C19orf44: variants seen among roughly 807,000 people sequenced by gnomAD.
C19orf44 encodes the protein uncharacterized protein C19orf44.
In C19orf44, 43 loss-of-function variants were observed where a neutral mutation model predicts 50.7. The observed-to-expected ratio is 0.85, with a 90% CI of 0.66 to 1.09. The LOEUF is 1.09. C19orf44 is among the 50% of genes least tolerant of loss of function. The probability of loss-of-function intolerance (pLI) is 0.00; values close to 1 mark genes in which losing one functional copy is unlikely to be tolerated. For synonymous variants in C19orf44, 298 were observed against 334.7 expected (o/e 0.89, Z 1.20); for missense variants, 722 against 836.2 (o/e 0.86, Z 1.68).
chr19:16,509,531 C>A lies in C19orf44; in HGVS notation c.1182C>A (p.Gly394=). The change falls in exon 5 of 9, where the codon GGC becomes GGA. Residue 394 remains glycine (G), a synonymous_variant. Transcript: ENST00000221671. The part of the protein sequence containing the change: ...EESAQRQKTA[G]KIFRAEASTG... ...GTGCTCAGAGACAAAAAACAGCTGG[C>A]AAAATCTTCAGAGCCGAGGCGTCCA... 1 of 1,550,432 alleles carries A rather than the reference C, an allele frequency of 6.4e-7. No individual in the cohort carries two copies. The highest frequency in any genetic ancestry group is 8.7e-7 in the Non-Finnish European group (1 of 1,152,378).
At chr19:16,502,838 A>C (rs2093429557) in intron 2 of C19orf44, among the ~76,000 whole-genome samples, 1 of 151,766 alleles carries the variant, frequency 6.6e-6, no homozygotes, top group African/African-American at 2.4e-5. Context: ...AAAAAAAAAA[A>C]AATTAGCCAG....
chr19:16,517,755 GA>G, intron 8 of C19orf44: 1 of 189,114 alleles, frequency 5.3e-6, no homozygotes, highest in East Asian at 1.6e-4. Context: ...AAGGACATGG[GA>G]CCAGGTCAGC....
intron 1 of C19orf44, among the ~76,000 whole-genome samples, chr19:16,498,581 T>C (rs543320343): frequency 6.6e-6 from 1 of 151,006 alleles, no homozygotes; most frequent in Admixed American, 6.6e-5. Flanking sequence ...ACTGTGGGCT[T>C]CAATCTGTTC....
rs1052834764 is a variant in C19orf44 at position 16,516,404 on chromosome 19, ACTCTGT to A, written c.1903-822_1903-817del. ...AGGCTGTAGTGAGGGAGAAAGCGGG[ACTCTGT>A]CTCAAACAAACAACCATAATGCAAT... On this transcript the variant is annotated intron_variant, in intron 7 of 8. Transcript: ENST00000221671. 4.8e-3 allele frequency among the ~76,000 whole-genome samples: 728 copies of A among 152,194 alleles called. 3 individuals are homozygous for A. Among genetic ancestry groups the A allele is most frequent in the African/African-American group, 0.016 (677 of 41,534 alleles).
chr19:16,517,175 T>C (rs1599741564), intron 7 of C19orf44, 55 bp from the exon 8 acceptor site: 1 of 1,534,450 alleles, frequency 6.5e-7, no homozygotes, highest in East Asian at 2.3e-5. Flanking sequence ...GCACCCTGTC[T>C]CAGAGTGTAC....
Position 16,520,389 on chromosome 19 carries a change from G to A in C19orf44, c.*336G>A, listed in dbSNP as rs201289066. On this transcript the variant is annotated 3_prime_UTR_variant, in exon 9 of 9. Transcript: ENST00000221671. The surrounding 1 kb of genome is among the most constrained non-coding windows in gnomAD (Gnocchi z 4.0). Reference sequence around the variant, plus strand: ...CTAGATCTGGAGCGGGAGTAGGAACGGGAGCAGGAGCGCGACCTTGACCTT... The same window carrying A: ...CTAGATCTGGAGCGGGAGTAGGAACAGGAGCAGGAGCGCGACCTTGACCTT... 1.4e-5 allele frequency: 22 copies of A among 1,613,790 alleles called. No homozygotes were observed. The Admixed American group carries it at 2.0e-4, about 15-fold the overall frequency.
In C19orf44 at chr19:16,500,951, A is replaced by G. The variant is rs1219842749; in HGVS notation, c.159A>G (p.Arg53=). The G allele has an allele frequency of 6.2e-7, 1 of 1,613,774 alleles. No individual in the cohort carries two copies. Among genetic ancestry groups the G allele is most frequent in the South Asian group, 1.1e-5 (1 of 90,998 alleles). ...CTGGTCATAGCAGATTTCTAAAAAG[A>G]AACCAAACTCTAGATGAGAAACACT... is the stretch of plus-strand genomic sequence containing the variant. ...IAPGHSRFLK[R]NQTLDEKHLL... The change falls in exon 2 of 9, where the codon AGA becomes AGG. Residue 53 remains arginine (R), a synonymous_variant. Transcript: ENST00000221671.
At chr19:16,500,664 T>C (rs2093422516) in intron 1 of C19orf44, 128 bp from the exon 2 acceptor site, 2 of 943,556 alleles carry the variant, frequency 2.1e-6, no homozygotes, top group African/African-American at 3.3e-5. Context: ...ATTGTCATCC[T>C]TGGGCTTGAA....
At position 16,519,324 on chromosome 19, in the gene C19orf44, C is replaced by A; in HGVS notation, c.*41-770C>A. 1 of 1,613,210 alleles carries A rather than the reference C, an allele frequency of 6.2e-7. No individual in the cohort carries two copies. Among genetic ancestry groups the A allele is most frequent in the Non-Finnish European group, 8.5e-7 (1 of 1,179,892 alleles). ...TGGGGTCCTGGATCCCTTGCTCCTTCGCACCGAGGCCGCCTGAGCCGCTCC... is the reference window on the plus strand; with the variant it reads ...TGGGGTCCTGGATCCCTTGCTCCTTAGCACCGAGGCCGCCTGAGCCGCTCC... On this transcript the variant is annotated intron_variant, in intron 8 of 8. Transcript: ENST00000221671. This position sits in a 1 kb window ranked among gnomAD's most constrained non-coding sequence, Gnocchi z 6.0.
chr19:16,501,673 A>G (rs1215108969), intron 2 of C19orf44, 122 bp downstream of exon 2: 2 of 646,594 alleles, frequency 3.1e-6, no homozygotes, highest in Admixed American at 4.2e-5. Flanking sequence ...GCTCACCGCA[A>G]CCTCCACTCC....
chr19:16,519,791 A>G lies in C19orf44; in HGVS notation c.*41-303A>G. 1 of 1,279,378 alleles carries G rather than the reference A, an allele frequency of 7.8e-7. No individual in the cohort carries two copies. Among genetic ancestry groups the G allele is most frequent in the South Asian group, 1.2e-5 (1 of 83,558 alleles). 79.3% of individuals were successfully genotyped at this position (1,279,378 alleles called of 1,614,324 possible). Reference sequence around the variant, plus strand: ...GGAATGACAGTGATGAGGACCTCACAGCCGCAGCTTGCGTGCATGCTCACT... The same window carrying G: ...GGAATGACAGTGATGAGGACCTCACGGCCGCAGCTTGCGTGCATGCTCACT... On this transcript the variant is annotated intron_variant, in intron 8 of 8. Coordinates refer to ENST00000221671, the MANE Select transcript of C19orf44 (RefSeq NM_032207.4). This position sits in a 1 kb window ranked among gnomAD's most constrained non-coding sequence, Gnocchi z 6.0.
chr19:16,505,397 A>G (rs889870072), intron 3 of C19orf44, among the ~76,000 whole-genome samples: 1 of 150,938 alleles, frequency 6.6e-6, no homozygotes, highest in African/African-American at 2.4e-5. Context: ...TATTTTTAGT[A>G]GAGACGGGAT....
rs182298599 is a variant in C19orf44 at position 16,501,027 on chromosome 19, T to C, written c.235T>C (p.Cys79Arg). 1.9e-6 allele frequency: 3 copies of C among 1,614,104 alleles called. No individual in the cohort carries two copies. Among genetic ancestry groups the C allele is most frequent in the African/African-American group, 2.7e-5 (2 of 75,026 alleles). ...VLGSGPRLASCRPPTTASRIR... is the reference protein window; with the variant it reads ...VLGSGPRLASRRPPTTASRIR... ...CGGGAGTGGACCCAGGCTTGCCTCATGTAGACCGCCCACCACTGCCTCCAG... is the reference window on the plus strand; with the variant it reads ...CGGGAGTGGACCCAGGCTTGCCTCACGTAGACCGCCCACCACTGCCTCCAG... The change falls in exon 2 of 9, where the codon TGT becomes CGT. Residue 79 changes from cysteine to arginine, a missense_variant. Cys to Arg is a radical substitution (Grantham distance 180, BLOSUM62 -3). Coordinates refer to ENST00000221671, the MANE Select transcript of C19orf44 (RefSeq NM_032207.4).
Position 16,514,679 on chromosome 19 carries a change from C to T in C19orf44, c.1902+16C>T. 6.4e-7 allele frequency: 1 copy of T among 1,550,628 alleles called. No homozygotes were observed. The highest frequency in any genetic ancestry group is 1.7e-4 in the Middle Eastern group (1 of 5,966). On this transcript the variant is annotated intron_variant, in intron 7 of 8. Coordinates refer to ENST00000221671, the MANE Select transcript of C19orf44 (RefSeq NM_032207.4). ...AGCCAAAGAGGTGAGCGCAGCTCCC[C>T]ATGGGCAGGGGCAGGGCAGTAGGGG...
At position 16,520,974 on chromosome 19, in the gene C19orf44, A is replaced by G. The variant is rs1459789674; in HGVS notation, c.*921A>G. 13 of 1,417,412 alleles carry G rather than the reference A, an allele frequency of 9.2e-6. No individual in the cohort carries two copies. The highest frequency in any genetic ancestry group is 1.4e-5 in the African/African-American group (1 of 71,186). 87.8% of individuals were successfully genotyped at this position (1,417,412 alleles called of 1,614,324 possible). A position where few individuals can be genotyped will look rare whatever the true frequency, so the allele number is the denominator to read the frequency against. ...ACCCACCCACAAGGAAGTCGTGAAA[A>G]AGTCATCAGGAGTTAATCCACAGAA... On this transcript the variant is annotated 3_prime_UTR_variant, in exon 9 of 9. Transcript: ENST00000221671. This position sits in a 1 kb window ranked among gnomAD's most constrained non-coding sequence, Gnocchi z 4.0.
chr19:16,515,275 C>T (rs1599739712), intron 7 of C19orf44, among the ~76,000 whole-genome samples: 3 of 152,096 alleles, frequency 2.0e-5, no homozygotes, highest in South Asian at 2.1e-4. Flanking sequence ...GCAGGAGAGT[C>T]GCTTGAACCT....
At position 16,501,314 on chromosome 19, in the gene C19orf44, A is replaced by T; in HGVS notation, c.522A>T (p.Leu174=). 1.2e-6 allele frequency: 2 copies of T among 1,614,188 alleles called. No individual in the cohort carries two copies. The highest frequency in any genetic ancestry group is 2.2e-5 in the South Asian group (2 of 91,080). The change falls in exon 2 of 9, where the codon CTA becomes CTT. Residue 174 remains leucine (L), a synonymous_variant. Transcript: ENST00000221671. ...AGAACGCGAAGGTCAGTAGGTTTCTAAAGAAGAAACAAGCACCTGTTGAAA... is the reference window on the plus strand; with the variant it reads ...AGAACGCGAAGGTCAGTAGGTTTCTTAAGAAGAAACAAGCACCTGTTGAAA... The part of the protein sequence containing the change: ...NAQNAKVSRF[L]KKKQAPVENI...
chr19:16,520,587 C>G lies in C19orf44; in HGVS notation c.*534C>G. On this transcript the variant is annotated 3_prime_UTR_variant, in exon 9 of 9. Coordinates refer to ENST00000221671, the MANE Select transcript of C19orf44 (RefSeq NM_032207.4). The surrounding 1 kb of genome is among the most constrained non-coding windows in gnomAD (Gnocchi z 4.0). Reference sequence around the variant, plus strand: ...CACCCTGGCCCTCAGGTTCCTAGACCACCCCAGATGCAGGGGCTCTGGCTG... The same window carrying G: ...CACCCTGGCCCTCAGGTTCCTAGACGACCCCAGATGCAGGGGCTCTGGCTG... 6.7e-7 allele frequency: 1 copy of G among 1,490,948 alleles called. No individual in the cohort carries two copies. Among genetic ancestry groups the G allele is most frequent in the Non-Finnish European group, 9.1e-7 (1 of 1,094,656 alleles). 92.4% of individuals were successfully genotyped at this position (1,490,948 alleles called of 1,614,324 possible). A position where few individuals can be genotyped will look rare whatever the true frequency, so the allele number is the denominator to read the frequency against.
At chr19:16,506,614 GA>G (rs776645665) in intron 3 of C19orf44, 86 bp from the exon 4 acceptor site, 2 of 932,966 alleles carry the variant, frequency 2.1e-6, no homozygotes, top group Non-Finnish European at 3.1e-6. Flanking sequence ...GAAAAGAAAA[GA>G]AAAAAGAAAT....
Sources: allele counts gnomAD v4.1 joint callset (sites outside exome capture counted in the v4.1 genomes callset), GRCh38; gene constraint gnomAD v4.1.1; non-coding constraint Gnocchi (gnomAD v3.1); transcripts MANE v1.5; gene names NCBI Gene and HGNC (gene_info 2026-07-23, HGNC 2026-07-21).